SLC22A23: variants seen among roughly 807,000 people sequenced by gnomAD.
SLC22A23 encodes the protein solute carrier family 22 member 23, also known as ion transporter protein.
In SLC22A23, 26 loss-of-function variants were observed where a neutral mutation model predicts 61.0. That is an observed-to-expected ratio of 0.43 (90% confidence interval 0.31 to 0.59). The LOEUF is 0.59. Among genes scored for constraint, SLC22A23 ranks in the 20% least tolerant of loss-of-function variants. SLC22A23 has a pLI of 0.11. For synonymous variants in SLC22A23, 430 were observed against 413.9 expected, an observed-to-expected ratio of 1.04 and a Z score of -0.47; for missense variants, 796 against 934.7, an observed-to-expected ratio of 0.85 and a Z score of 1.94.
At chr6:3,279,509 C>CAAAGAAAAAAAAA (rs1759229960) in intron 9 of SLC22A23, among the ~76,000 whole-genome samples, 1 of 36,016 alleles carries the variant, frequency 2.8e-5, no homozygotes, top group Non-Finnish European at 5.7e-5. Context: ...GGCTCCGTCT[C>CAAAGAAAAAAAAA]AAAAAAAAAA....
intron 1 of SLC22A23, among the ~76,000 whole-genome samples, chr6:3,423,265 T>C (rs1237395348): frequency 6.6e-6 from 1 of 150,506 alleles, no homozygotes; most frequent in Non-Finnish European, 1.5e-5. Flanking sequence ...GGATTATCTC[T>C]GAGGGAAAAA....
At chr6:3,402,857 A>G (rs1486356809) in intron 3 of SLC22A23, among the ~76,000 whole-genome samples, 1 of 152,200 alleles carries the variant, frequency 6.6e-6, no homozygotes, top group African/African-American at 2.4e-5. Context: ...CAAGGAACCA[A>G]CTGTCCATCC....
Position 3,362,277 on chromosome 6 carries a change from G to A in SLC22A23, c.914-38275C>T, listed in dbSNP as rs374630340. 1.5e-3 allele frequency among the ~76,000 whole-genome samples: 231 copies of A among 151,252 alleles called. 1 individual carries two copies. The Middle Eastern group carries it at 0.027, about 18-fold the overall frequency. ...AAATTAGCTGGGCGTGGTAGCATGC[G>A]CCTGTAGTCCCAGCTACTCGGGAGC... is the stretch of plus-strand genomic sequence containing the variant. On this transcript the variant is annotated intron_variant, in intron 3 of 9. Transcript: ENST00000406686.
intron 3 of SLC22A23, among the ~76,000 whole-genome samples, chr6:3,353,180 G>A (rs561638791): frequency 3.9e-5 from 6 of 152,266 alleles, no homozygotes; most frequent in South Asian, 2.1e-4. Context: ...TGTTATTCTT[G>A]GAGATTTTGA....
chr6:3,359,027 T>C (rs554018787), intron 3 of SLC22A23, among the ~76,000 whole-genome samples: 9 of 152,190 alleles, frequency 5.9e-5, no homozygotes, highest in Non-Finnish European at 1.0e-4. Context: ...GTCTCAGTCA[T>C]TCAGGATGAA....
intron 3 of SLC22A23, among the ~76,000 whole-genome samples, chr6:3,384,887 T>C (rs1767190302): frequency 6.6e-6 from 1 of 152,154 alleles, no homozygotes; most frequent in Non-Finnish European, 1.5e-5. Flanking sequence ...CCATACGATA[T>C]AATACGATCC....
intron 3 of SLC22A23, among the ~76,000 whole-genome samples, chr6:3,366,484 T>A (rs1765846519): frequency 6.6e-6 from 1 of 152,004 alleles, no homozygotes; most frequent in African/African-American, 2.4e-5. Flanking sequence ...TAACTCGCTG[T>A]GTTGTGGGGA....
In SLC22A23 at chr6:3,286,632, T is replaced by C. The variant is rs1280729201; in HGVS notation, c.1546+227A>G. On this transcript the variant is annotated intron_variant, in intron 7 of 9. Transcript: ENST00000406686. The surrounding 1 kb of genome is among the most constrained non-coding windows in gnomAD (Gnocchi z 4.2). ...GGCCACCAGGACTCGGAAGGAATCA[T>C]GGTGCAGCCCGGGCCGGGGCAGGGG... Among the ~76,000 whole-genome samples the C allele has an allele frequency of 2.0e-5, 3 of 152,188 alleles. No homozygotes were observed. Among genetic ancestry groups the C allele is most frequent in the African/African-American group, 4.8e-5 (2 of 41,456 alleles).
chr6:3,345,366 T>TTC (rs1344887852), intron 3 of SLC22A23, among the ~76,000 whole-genome samples: 11 of 145,342 alleles, frequency 7.6e-5, no homozygotes, highest in African/African-American at 2.9e-4. Flanking sequence ...CTCTTTTCTT[T>TTC]TTTTTTTTTT....
chr6:3,277,308 G>A (rs911235159), intron 9 of SLC22A23, among the ~76,000 whole-genome samples: 1 of 151,926 alleles, frequency 6.6e-6, no homozygotes, highest in African/African-American at 2.4e-5. Context: ...CCTTCCTCTC[G>A]GTGAGGCACC....
At chr6:3,395,887 AATTAT>A (rs1432986298) in intron 3 of SLC22A23, among the ~76,000 whole-genome samples, 1 of 152,236 alleles carries the variant, frequency 6.6e-6, no homozygotes. Flanking sequence ...CCTGGATTGA[AATTAT>A]ATTATACAGG....
chr6:3,345,695 C>T (rs967201565), intron 3 of SLC22A23, among the ~76,000 whole-genome samples: 10 of 152,034 alleles, frequency 6.6e-5, no homozygotes, highest in African/African-American at 2.4e-4. Flanking sequence ...AAATATGGTG[C>T]CCTTCCCAGG....
At chr6:3,365,557 C>G (rs1765753603) in intron 3 of SLC22A23, among the ~76,000 whole-genome samples, 1 of 152,154 alleles carries the variant, frequency 6.6e-6, no homozygotes, top group South Asian at 2.1e-4. Flanking sequence ...GTGGGCGGAC[C>G]TGATGCCCTT....
At chr6:3,445,794 T>C (rs112380610) in intron 1 of SLC22A23, among the ~76,000 whole-genome samples, 15 of 151,864 alleles carry the variant, frequency 9.9e-5, no homozygotes, top group Non-Finnish European at 1.6e-4. Flanking sequence ...ACTATTAATA[T>C]ATACAAGATG....
Position 3,410,219 on chromosome 6 carries a change from C to A in SLC22A23, c.882G>T (p.Leu294=). The A allele has an allele frequency of 6.2e-7, 1 of 1,613,488 alleles. No homozygotes were observed. The highest frequency in any genetic ancestry group is 1.1e-5 in the South Asian group (1 of 90,902). The change falls in exon 3 of 10, where the codon CTG becomes CTT. Residue 294 remains leucine, a synonymous_variant. Transcript: ENST00000406686. This position sits in a 1 kb window ranked among gnomAD's most constrained non-coding sequence, Gnocchi z 5.0. The part of the protein sequence containing the change: ...STLRFFEGFC[L]AGIILTLYAL... The stretch of plus-strand genomic sequence containing the variant: ...CATACAAGGTGAGAATGATTCCAGC[C>A]AGGCAAAATCCTTCAAAGAACCTGA...
At chr6:3,339,658 C>T (rs1316400891) in intron 3 of SLC22A23, among the ~76,000 whole-genome samples, 1 of 152,166 alleles carries the variant, frequency 6.6e-6, no homozygotes, top group African/African-American at 2.4e-5. Flanking sequence ...GACCTCTGGT[C>T]GTCCTCACTG....
At chr6:3,284,876 A>G in intron 8 of SLC22A23, 2 of 1,530,852 alleles carry the variant, frequency 1.3e-6, no homozygotes, top group South Asian at 1.2e-5. Context: ...ACAGGGAAGC[A>G]CCAGTCGCTC....
chr6:3,289,901 G>A (rs777749519), intron 5 of SLC22A23, 35 bp from the exon 6 acceptor site: 1 of 1,582,930 alleles, frequency 6.3e-7, no homozygotes, highest in Non-Finnish European at 8.7e-7. Flanking sequence ...CCCTGGGCAG[G>A]CCGCCCACAG....
chr6:3,403,236 TAAGAACATAAAACAA>T (rs1374692999), intron 3 of SLC22A23, among the ~76,000 whole-genome samples: 1 of 151,938 alleles, frequency 6.6e-6, no homozygotes, highest in African/African-American at 2.4e-5. Flanking sequence ...AATTTGCTTT[TAAGAACATAAAACAA>T]AACAAAGTCA....
Sources: allele counts gnomAD v4.1 joint callset (sites outside exome capture counted in the v4.1 genomes callset), GRCh38; gene constraint gnomAD v4.1.1; non-coding constraint Gnocchi (gnomAD v3.1); transcripts MANE v1.5; gene names NCBI Gene and HGNC (gene_info 2026-07-23, HGNC 2026-07-21).